The following DACT3 variants were observed in gnomAD, a reference collection of about 807,000 sequenced individuals.
DACT3 encodes dapper homolog 3.
In DACT3, 5 loss-of-function variants were observed where a neutral mutation model predicts 19.6. That is an observed-to-expected ratio of 0.26 (90% CI 0.13 to 0.54). The LOEUF (loss-of-function observed/expected upper bound fraction) is 0.54, where lower values mean the gene tolerates loss of function less well. DACT3 is among the 20% of genes least tolerant of loss of function. The pLI, the probability that DACT3 is intolerant of heterozygous loss-of-function variation, is 0.95. For missense variants in DACT3, 908 were observed against 927.4 expected, an observed-to-expected ratio of 0.98 and a Z score of 0.27; for synonymous variants, 454 against 428.1, an observed-to-expected ratio of 1.06 and a Z score of -0.75.
Position 46,657,346 on chromosome 19 carries a change from CTTTTTTTTT to C in DACT3, c.249+3461_249+3469del, listed in dbSNP as rs71177239. Among the ~76,000 whole-genome samples the C allele has an allele frequency of 1.9e-3, 129 of 69,418 alleles. 1 individual carries two copies. The highest frequency in any genetic ancestry group is 6.3e-3 in the African/African-American group (106 of 16,776). The allele number at this position is 69,418 out of a possible 152,430, so 45.5% of individuals were successfully genotyped here. ...GTTATTGTGAGGATTAAATGAGTTT[CTTTTTTTTT>C]TTTTTTTTTTTTTTTTGAGACGGAG... is the stretch of plus-strand genomic sequence containing the variant. On this transcript the variant is annotated intron_variant, in intron 1 of 3. Coordinates refer to ENST00000391916, the MANE Select transcript of DACT3 (RefSeq NM_145056.3).
chr19:46,652,495 G>A, intron 3 of DACT3, 165 bp downstream of exon 3: 1 of 798,712 alleles, frequency 1.3e-6, no homozygotes, highest in South Asian at 2.0e-5. Flanking sequence ...CATTTTAACA[G>A]ATGGAAAAAC....
chr19:46,652,493 C>T, intron 3 of DACT3, 167 bp downstream of exon 3: 2 of 788,946 alleles, frequency 2.5e-6, no homozygotes, highest in Non-Finnish European at 3.9e-6. Context: ...TTCATTTTAA[C>T]AGATGGAAAA....
chr19:46,659,055 GTGGGGGGATAAGTCATAAGACAAGGGT>G (rs2053053548), intron 1 of DACT3: 1 of 980,132 alleles, frequency 1.0e-6, no homozygotes, highest in African/African-American at 1.8e-5. Flanking sequence ...GGGGCTGGGG[GTGGGGGGATAAGTCATAAGACAAGGGT>G]TGGGGGATCA....
intron 1 of DACT3, among the ~76,000 whole-genome samples, chr19:46,657,411 T>C (rs1444793059): frequency 2.9e-5 from 4 of 136,684 alleles, no homozygotes; most frequent in Non-Finnish European, 4.6e-5. Flanking sequence ...TGGAGTGCAG[T>C]GGCACAATCT....
chr19:46,661,058 G>A lies in DACT3; in HGVS notation c.7C>T (p.Arg3Trp). 2 of 1,477,586 alleles carry A rather than the reference G, an allele frequency of 1.4e-6. No homozygotes were observed. The highest frequency in any genetic ancestry group is 1.8e-6 in the Non-Finnish European group (2 of 1,120,170). 91.5% of individuals were successfully genotyped at this position (1,477,586 alleles called of 1,614,324 possible). The change falls in exon 1 of 4, where the codon CGG becomes TGG. Residue 3 changes from arginine to tryptophan, a missense_variant. Coordinates refer to ENST00000391916, the MANE Select transcript of DACT3 (RefSeq NM_145056.3). The stretch of plus-strand genomic sequence containing the variant: ...GGGCTCACCGGGAACGAGAAGGCCC[G>A]GATCATGGCTGCGGCCCCCCGCCCC... MIRAFSFPVSPER... is the reference protein window; with the variant it reads MIWAFSFPVSPER...
intron 1 of DACT3, among the ~76,000 whole-genome samples, chr19:46,653,845 C>T (rs943530647): frequency 1.1e-4 from 16 of 152,184 alleles, no homozygotes; most frequent in African/African-American, 3.1e-4. Context: ...TGAGCCACTG[C>T]GCCCAGCCTC....
intron 1 of DACT3, among the ~76,000 whole-genome samples, chr19:46,655,494 T>A (rs1225199675): frequency 6.6e-6 from 1 of 152,030 alleles, no homozygotes; most frequent in African/African-American, 2.4e-5. Context: ...GTGCCTGTAA[T>A]CCCAGCTACC....
rs2052964280 is a variant in DACT3 at position 46,649,819 on chromosome 19, G to T, written c.553C>A (p.Arg185=). ...GTCGGGTAGGGCGCTGAGAAGGACC[G>T]CGGCACCGCTGCCCGCGCGCCCACC... is the stretch of plus-strand genomic sequence containing the variant. ...EVVGARAAVP[R]SFSAPYPTAG... Residue 185 remains arginine, a synonymous_variant, in exon 4 of 4, where the codon CGG becomes AGG. Coordinates refer to ENST00000391916, the MANE Select transcript of DACT3 (RefSeq NM_145056.3). 1 of 1,423,594 alleles carries T rather than the reference G, an allele frequency of 7.0e-7. No homozygotes were observed. Among genetic ancestry groups the T allele is most frequent in the Non-Finnish European group, 9.1e-7 (1 of 1,095,018 alleles). 88.2% of individuals were successfully genotyped at this position (1,423,594 alleles called of 1,614,324 possible). A position where few individuals can be genotyped will look rare whatever the true frequency, so the allele number is the denominator to read the frequency against.
chr19:46,657,388 C>G, intron 1 of DACT3, among the ~76,000 whole-genome samples: 1 of 116,080 alleles, frequency 8.6e-6, no homozygotes, highest in African/African-American at 3.4e-5. Context: ...GAGTCTTGCT[C>G]TGTCGCCCAG....
chr19:46,659,302 G>T, intron 1 of DACT3: 2 of 970,678 alleles, frequency 2.1e-6, no homozygotes, highest in South Asian at 4.8e-5. Context: ...CTGAGGGGGA[G>T]GAGGGGACAG....
chr19:46,650,722 C>T (rs548885571), intron 3 of DACT3: 2 of 152,050 alleles, frequency 1.3e-5, no homozygotes, highest in Admixed American at 1.3e-4. Flanking sequence ...TGACCCTTCT[C>T]CTCTACTTAT....
At chr19:46,659,362 G>T in intron 1 of DACT3, 1 of 956,112 alleles carries the variant, frequency 1.0e-6, no homozygotes, top group Non-Finnish European at 1.2e-6. Flanking sequence ...AAGGTGAAGG[G>T]TGAAAAGGGG....
chr19:46,650,262 C>CA (rs1286075928), intron 3 of DACT3: 2 of 151,624 alleles, frequency 1.3e-5, no homozygotes, highest in Non-Finnish European at 2.9e-5. Flanking sequence ...GCTGGGACTA[C>CA]AGGCGCCCGC....
chr19:46,658,499 G>A lies in DACT3; in HGVS notation c.249+2317C>T, dbSNP rs149566180. Among the ~76,000 whole-genome samples the A allele has an allele frequency of 4.0e-3, 608 of 152,348 alleles. 4 individuals carry two copies. The highest frequency in any genetic ancestry group is 0.014 in the African/African-American group (565 of 41,572). Reference sequence around the variant, plus strand: ...TCCGGTTCTTCCATTACAAGGAAGAGCAGAAATTAGGGAGACAGACAGGAG... The same window carrying A: ...TCCGGTTCTTCCATTACAAGGAAGAACAGAAATTAGGGAGACAGACAGGAG... On this transcript the variant is annotated intron_variant, in intron 1 of 3. Transcript: ENST00000391916.
Position 46,649,139 on chromosome 19 carries a change from GC to G in DACT3, c.1232del (p.Gly411AlafsTer193). Reference protein sequence around the residue: ...GRRGRMAEASGRRGSPRARKA... With the variant: ...GRRGRMAEASXRRGSPRARKA... Reference sequence around the variant, plus strand: ...TGCGGGCCCTGGGCGAGCCGCGGCGGCCCGAAGCCTCGGCCATGCGTCCACG... The same window carrying G: ...TGCGGGCCCTGGGCGAGCCGCGGCGGCCGAAGCCTCGGCCATGCGTCCACG... On this transcript the variant is annotated frameshift_variant, in exon 4 of 4. Coordinates refer to ENST00000391916, the MANE Select transcript of DACT3 (RefSeq NM_145056.3). LOFTEE classifies it low-confidence loss of function (END_TRUNC). 7.9e-7 allele frequency: 1 copy of G among 1,262,644 alleles called. No individual in the cohort carries two copies. Among genetic ancestry groups the G allele is most frequent in the Non-Finnish European group, 9.9e-7 (1 of 1,005,958 alleles). 78.2% of individuals were successfully genotyped at this position (1,262,644 alleles called of 1,614,324 possible). A position where few individuals can be genotyped will look rare whatever the true frequency, so the allele number is the denominator to read the frequency against.
intron 1 of DACT3, among the ~76,000 whole-genome samples, chr19:46,657,855 C>T (rs1463816765): frequency 1.3e-5 from 2 of 152,000 alleles, no homozygotes; most frequent in African/African-American, 4.8e-5. Context: ...AATTCAAGAC[C>T]AGCCTGGCCA....
Position 46,648,728 on chromosome 19 carries a change from G to A in DACT3, c.1644C>T (p.Ser548=), listed in dbSNP as rs552073626. The A allele has an allele frequency of 8.4e-5, 135 of 1,601,296 alleles. No individual in the cohort carries two copies. In the South Asian group the frequency reaches 1.3e-3, roughly 16 times the overall value. The change falls in exon 4 of 4, where the codon AGC becomes AGT. Residue 548 remains serine (S), a synonymous_variant. Coordinates refer to ENST00000391916, the MANE Select transcript of DACT3 (RefSeq NM_145056.3). The surrounding 1 kb of genome is among the most constrained non-coding windows in gnomAD (Gnocchi z 5.1). ...AGGVGGGYGE[S]ESSASEGESP... ...ATTCTCCCTCGCTGGCGCTCGATTC[G>A]CTCTCCCCGTAACCCCCGCCGACGC...
chr19:46,654,089 C>G (rs1313067855), intron 1 of DACT3: 2 of 985,254 alleles, frequency 2.0e-6, no homozygotes, highest in Admixed American at 1.2e-4. Context: ...AGCAGCCATC[C>G]CAGCACGTTC....
chr19:46,654,525 T>A, intron 1 of DACT3: 5 of 976,226 alleles, frequency 5.1e-6, no homozygotes, highest in Non-Finnish European at 6.1e-6. Context: ...TTTCCATGAG[T>A]CTACCCTGGA....
Sources: gnomAD v4.1 joint callset for allele counts (sites outside exome capture counted in the v4.1 genomes callset) on GRCh38, gnomAD v4.1.1 for gene constraint, Gnocchi (gnomAD v3.1) non-coding constraint, MANE v1.5 for transcripts, NCBI Gene and HGNC (gene_info 2026-07-23, HGNC 2026-07-21) for gene names.